ZFYVE28: variants seen among roughly 807,000 people sequenced by gnomAD.
The protein encoded by ZFYVE28 is lateral signaling target protein 2 homolog.
A neutral mutation model predicts 82.1 loss-of-function variants in ZFYVE28; 40 were observed. That is an observed-to-expected ratio of 0.49 (90% CI 0.38 to 0.63). ZFYVE28 has a LOEUF of 0.63. Ranked by LOEUF, ZFYVE28 falls within the 30% of genes least tolerant of loss-of-function variation. The pLI, the probability that ZFYVE28 is intolerant of heterozygous loss-of-function variation, is 0.00. For synonymous variants in ZFYVE28, 612 were observed against 546.1 expected, an observed-to-expected ratio of 1.12 and a Z score of -1.68; for missense variants, 1,321 against 1,242.1, an observed-to-expected ratio of 1.06 and a Z score of -0.96.
intron 2 of ZFYVE28, among the ~76,000 whole-genome samples, chr4:2,342,322 G>A (rs1281384735): frequency 6.6e-6 from 1 of 152,212 alleles, no homozygotes; most frequent in Non-Finnish European, 1.5e-5. Flanking sequence ...GCTGTTCAAC[G>A]AGGGACAGGT....
rs144357814 is a variant in ZFYVE28, at chr4:2,303,009, C to T, written c.2051+1280G>A. Among the ~76,000 whole-genome samples the T allele has an allele frequency of 7.0e-4, 106 of 152,300 alleles. 1 individual carries two copies. In the East Asian group the frequency reaches 0.013, roughly 19 times the overall value. On this transcript the variant is annotated intron_variant, in intron 8 of 12. Transcript: ENST00000290974. ...CATCGTAAGTCTGGAACCACCTGTA[C>T]GTGAATGTGTTAACAGGAAATGTCC...
chr4:2,389,379 A>G (rs1266971216), intron 1 of ZFYVE28, among the ~76,000 whole-genome samples: 1 of 151,988 alleles, frequency 6.6e-6, no homozygotes, highest in Admixed American at 6.5e-5. Context: ...CACCCTGCTG[A>G]CCCTGTGAGC....
In ZFYVE28 at chr4:2,332,675, G is replaced by A. The variant is rs376310993; in HGVS notation, c.701+3030C>T. Among the ~76,000 whole-genome samples the A allele has an allele frequency of 7.3e-4, 111 of 152,310 alleles. No homozygotes were observed. Among genetic ancestry groups the A allele is most frequent in the African/African-American group, 2.2e-3 (93 of 41,552 alleles). On this transcript the variant is annotated intron_variant, in intron 6 of 12. Coordinates refer to ENST00000290974, the MANE Select transcript of ZFYVE28 (RefSeq NM_020972.3). This position sits in a 1 kb window ranked among gnomAD's most constrained non-coding sequence, Gnocchi z 4.7. ...GGGCAGCTGTGGCCTCTGCCTGTCC[G>A]GCTCAAAGCGGTCGCTGTGGATGAC...
rs572397087 is a variant in ZFYVE28 at position 2,332,442 on chromosome 4, G to C, written c.701+3263C>G. Among the ~76,000 whole-genome samples, 10 of 152,136 alleles carry C rather than the reference G, an allele frequency of 6.6e-5. No individual in the cohort carries two copies. Among genetic ancestry groups the C allele is most frequent in the Non-Finnish European group, 1.5e-4 (10 of 68,000 alleles). Reference sequence around the variant, plus strand: ...CCACCTCTGGGCCGGCTGCCCTGGGGAGCCTCTCCCTCACGCCTTCAGCTC... The same window carrying C: ...CCACCTCTGGGCCGGCTGCCCTGGGCAGCCTCTCCCTCACGCCTTCAGCTC... On this transcript the variant is annotated intron_variant, in intron 6 of 12. Coordinates refer to ENST00000290974, the MANE Select transcript of ZFYVE28 (RefSeq NM_020972.3). This position sits in a 1 kb window ranked among gnomAD's most constrained non-coding sequence, Gnocchi z 4.7.
rs141400000 is a variant in ZFYVE28, at chr4:2,304,944, C to G, written c.1396G>C (p.Glu466Gln). Residue 466 changes from glutamate (E) to glutamine (Q), a missense_variant, in exon 8 of 13, where the codon GAG (glutamate) becomes CAG (glutamine). Glu to Gln is a conservative substitution (Grantham distance 29, BLOSUM62 2). This residue lies in a region of ZFYVE28 where 978 missense variants were observed against 833.7 expected (regional missense o/e 1.17). Transcript: ENST00000290974. ...EDLSNNNLEA[E>Q]GTDGASLAGT... ...GCGAGGCTGGCCCCATCTGTGCCCT[C>G]GGCCTCGAGATTGTTGTTGCTCAAG... is the stretch of plus-strand genomic sequence containing the variant. 12 of 1,612,714 alleles carry G rather than the reference C, an allele frequency of 7.4e-6. No individual in the cohort carries two copies. Among genetic ancestry groups the G allele is most frequent in the Non-Finnish European group, 1.0e-5 (12 of 1,179,872 alleles).
At chr4:2,405,668 G>A (rs147611846) in intron 1 of ZFYVE28, among the ~76,000 whole-genome samples, 213 of 152,360 alleles carry the variant, frequency 1.4e-3, no homozygotes, top group African/African-American at 4.4e-3. Context: ...ACGTCCCTTG[G>A]AGTGGTCAGG....
At position 2,337,877 on chromosome 4, in the gene ZFYVE28, T is replaced by TAC. The variant is rs57325124; in HGVS notation, c.522-383_522-382dup. On this transcript the variant is annotated intron_variant, in intron 4 of 12. Coordinates refer to ENST00000290974, the MANE Select transcript of ZFYVE28 (RefSeq NM_020972.3). ...CAAAGCAAGACCTTTTCTCTTAAAA[T>TAC]ACACACACACACCCTACACCACCAT... 1.4e-4 allele frequency among the ~76,000 whole-genome samples: 21 copies of TAC among 151,090 alleles called. No homozygotes were observed. In the East Asian group the frequency reaches 2.2e-3, roughly 16 times the overall value.
intron 2 of ZFYVE28, among the ~76,000 whole-genome samples, chr4:2,348,847 T>C (rs1723949350): frequency 6.6e-6 from 1 of 152,218 alleles, no homozygotes; most frequent in African/African-American, 2.4e-5. Context: ...CTTTGTAGCA[T>C]ATTTGTGATT....
chr4:2,331,051 GGGGAGGAA>G, intron 6 of ZFYVE28: 2 of 1,482,178 alleles, frequency 1.3e-6, no homozygotes, highest in Non-Finnish European at 1.8e-6. Flanking sequence ...GGAGGGGGCT[GGGGAGGAA>G]GGCAGGGGTA....
At chr4:2,403,611 C>A (rs12644662) in intron 1 of ZFYVE28, among the ~76,000 whole-genome samples, 25,559 of 152,016 alleles carry the variant, frequency 0.17, 2,616 homozygotes, top group Middle Eastern at 0.3. Flanking sequence ...CCATAGATGC[C>A]CTCTCAGGCC....
chr4:2,279,427 C>T (rs1711597235), intron 8 of ZFYVE28, among the ~76,000 whole-genome samples: 1 of 151,700 alleles, frequency 6.6e-6, no homozygotes, highest in Non-Finnish European at 1.5e-5. Flanking sequence ...GAGACTCCGT[C>T]TAAAAAAACA....
intron 6 of ZFYVE28, among the ~76,000 whole-genome samples, chr4:2,334,006 C>T (rs935692021): frequency 4.6e-5 from 7 of 152,162 alleles, no homozygotes; most frequent in East Asian, 1.9e-4. Context: ...GCCACCTTGT[C>T]GCTGGCCACT....
chr4:2,401,078 G>C (rs1291539076), intron 1 of ZFYVE28, among the ~76,000 whole-genome samples: 5 of 152,196 alleles, frequency 3.3e-5, no homozygotes, highest in Admixed American at 3.3e-4. Context: ...GAGCACAGTG[G>C]GGGATGGAAA....
At position 2,394,532 on chromosome 4, in the gene ZFYVE28, C is replaced by T. The variant is rs1730216920; in HGVS notation, c.39+23753G>A. Among the ~76,000 whole-genome samples, 1 of 152,172 alleles carries T rather than the reference C, an allele frequency of 6.6e-6. No homozygotes were observed. The highest frequency in any genetic ancestry group is 6.5e-5 in the Admixed American group (1 of 15,276). On this transcript the variant is annotated intron_variant, in intron 1 of 12. Coordinates refer to ENST00000290974, the MANE Select transcript of ZFYVE28 (RefSeq NM_020972.3). The surrounding 1 kb of genome is among the most constrained non-coding windows in gnomAD (Gnocchi z 4.0). The stretch of plus-strand genomic sequence containing the variant: ...CGTTTCTCTTCACGGGGTGGTTGAC[C>T]GCATGAGAAGGGTCATGAACCACAA...
At chr4:2,322,027 T>G (rs556725144) in intron 6 of ZFYVE28, among the ~76,000 whole-genome samples, 1 of 152,320 alleles carries the variant, frequency 6.6e-6, no homozygotes, top group Admixed American at 6.5e-5. Flanking sequence ...CAAGACCCCC[T>G]GGGCTGTGTC....
chr4:2,357,861 C>G (rs924446624), intron 1 of ZFYVE28, among the ~76,000 whole-genome samples: 1 of 152,190 alleles, frequency 6.6e-6, no homozygotes, highest in Non-Finnish European at 1.5e-5. Flanking sequence ...CATTCTCTGC[C>G]CTGGCACCAA....
At chr4:2,295,909 G>A (rs2108814521) in intron 8 of ZFYVE28, 1 of 152,728 alleles carries the variant, frequency 6.5e-6, no homozygotes, top group Non-Finnish European at 1.5e-5. Flanking sequence ...GCTGCTTGCA[G>A]GTGGTGCCCT....
chr4:2,300,839 C>A lies in ZFYVE28; in HGVS notation c.2051+3450G>T, dbSNP rs538639024. 1.3e-5 allele frequency among the ~76,000 whole-genome samples: 2 copies of A among 152,338 alleles called. No homozygotes were observed. The highest frequency in any genetic ancestry group is 1.9e-4 in the East Asian group (1 of 5,184). On this transcript the variant is annotated intron_variant, in intron 8 of 12. Coordinates refer to ENST00000290974, the MANE Select transcript of ZFYVE28 (RefSeq NM_020972.3). This position sits in a 1 kb window ranked among gnomAD's most constrained non-coding sequence, Gnocchi z 4.6. ...TCCCTCTGAACCGTCCACGCCACAA[C>A]CACAGGGGCTGCAGGGGCGTCTGCC...
At chr4:2,326,571 TAAA>T (rs955638309) in intron 6 of ZFYVE28, among the ~76,000 whole-genome samples, 4 of 152,074 alleles carry the variant, frequency 2.6e-5, no homozygotes, top group East Asian at 1.9e-4. Context: ...TCTCTTTCCA[TAAA>T]AAAAATGATG....
Sources: allele counts gnomAD v4.1 joint callset (sites outside exome capture counted in the v4.1 genomes callset), GRCh38; gene constraint gnomAD v4.1.1; regional missense constraint gnomAD v4.1.1; non-coding constraint Gnocchi (gnomAD v3.1); transcripts MANE v1.5; gene names NCBI Gene and HGNC (gene_info 2026-07-23, HGNC 2026-07-21).